ABHD18: variants seen among roughly 807,000 people sequenced by gnomAD.
The protein encoded by ABHD18 is abhydrolase domain containing 18, also known as cardiolipin-specific deacylase, mitochondrial.
A neutral mutation model predicts 65.9 loss-of-function variants in ABHD18; 55 were observed. The observed-to-expected ratio is 0.84, with a 90% CI of 0.67 to 1.05. The LOEUF is 1.05. Among genes scored for constraint, ABHD18 ranks in the 50% least tolerant of loss-of-function variants. The pLI, the probability that ABHD18 is intolerant of heterozygous loss-of-function variation, is 0.00. For missense variants in ABHD18, 533 were observed against 558.5 expected, an observed-to-expected ratio of 0.95 and a Z score of 0.46; for synonymous variants, 181 against 180.2, an observed-to-expected ratio of 1.00 and a Z score of -0.04.
chr4:128,000,282 T>C (rs1209326023), intron 4 of ABHD18, among the ~76,000 whole-genome samples: 1 of 152,200 alleles, frequency 6.6e-6, no homozygotes, highest in Non-Finnish European at 1.5e-5. Context: ...CTTTAATCCA[T>C]CTTGAGTTAA....
chr4:127,990,138 C>G (rs1318850998), intron 4 of ABHD18, among the ~76,000 whole-genome samples: 1 of 152,166 alleles, frequency 6.6e-6, no homozygotes, highest in African/African-American at 2.4e-5. Flanking sequence ...GAAGATAATA[C>G]AAATGATTTT....
intron 2 of ABHD18, 106 bp downstream of exon 2, chr4:127,983,153 A>C: frequency 1.4e-6 from 1 of 697,990 alleles, no homozygotes; most frequent in South Asian, 2.1e-5. Context: ...GCAATTGTCC[A>C]GCAAATTAAA....
intron 3 of ABHD18, among the ~76,000 whole-genome samples, chr4:127,984,975 G>A (rs1186111373): frequency 6.6e-6 from 1 of 152,206 alleles, no homozygotes. Flanking sequence ...ATATAGAGAA[G>A]TATTTAGGCT....
At chr4:128,014,185 G>T (rs1755086968) in intron 7 of ABHD18, among the ~76,000 whole-genome samples, 1 of 151,868 alleles carries the variant, frequency 6.6e-6, no homozygotes, top group Admixed American at 6.6e-5. Context: ...GTTTCTCCAT[G>T]TTGGTCAGGC....
In ABHD18 at chr4:128,036,086, GA is replaced by G. The variant is rs1758858717; in HGVS notation, c.*278del. On this transcript the variant is annotated 3_prime_UTR_variant, in exon 13 of 13. Transcript: ENST00000645843. Reference sequence around the variant, plus strand: ...TGTTTAGTCTGTTGTTACTGTTTATGAAAAACTAAATTTTTAATCATGAATA... The same window carrying G: ...TGTTTAGTCTGTTGTTACTGTTTATGAAAACTAAATTTTTAATCATGAATA... 1 of 264,274 alleles carries G rather than the reference GA, an allele frequency of 3.8e-6. No individual in the cohort carries two copies. Among genetic ancestry groups the G allele is most frequent in the African/African-American group, 2.2e-5 (1 of 45,276 alleles). The allele number at this position is 264,274 out of a possible 1,614,324, so 16.4% of individuals were successfully genotyped here.
At chr4:127,984,152 G>GA (rs898084646) in intron 2 of ABHD18, among the ~76,000 whole-genome samples, 187 bp from the exon 3 acceptor site, 2 of 151,982 alleles carry the variant, frequency 1.3e-5, no homozygotes, top group African/African-American at 2.4e-5. Flanking sequence ...ACATTTTTCT[G>GA]AAAAAAGTGT....
At chr4:128,025,489 TG>T (rs1481751742) in intron 10 of ABHD18, among the ~76,000 whole-genome samples, 3 of 152,346 alleles carry the variant, frequency 2.0e-5, no homozygotes, top group Admixed American at 6.5e-5. Context: ...TATTTTTTAC[TG>T]CTATATAATA....
At chr4:128,021,724 G>A (rs1339145860) in intron 10 of ABHD18, among the ~76,000 whole-genome samples, 1 of 149,982 alleles carries the variant, frequency 6.7e-6, no homozygotes, top group African/African-American at 2.5e-5. Flanking sequence ...CAAATATGTG[G>A]TTTACTACAT....
chr4:127,992,379 G>A (rs1290431898), intron 4 of ABHD18, among the ~76,000 whole-genome samples: 1 of 152,052 alleles, frequency 6.6e-6, no homozygotes, highest in African/African-American at 2.4e-5. Flanking sequence ...GGAGGCTGAG[G>A]CAGGAGAATC....
intron 3 of ABHD18, 85 bp from the exon 4 acceptor site, chr4:127,989,636 T>C (rs1750589461): frequency 2.4e-6 from 2 of 826,698 alleles, no homozygotes; most frequent in Non-Finnish European, 1.8e-6. Flanking sequence ...TTTAATTGGA[T>C]AGAACTTTTT....
At chr4:127,978,781 A>G (rs939971361) in intron 1 of ABHD18, among the ~76,000 whole-genome samples, 27 of 152,170 alleles carry the variant, frequency 1.8e-4, no homozygotes, top group Non-Finnish European at 1.5e-5. Context: ...ACAGTGATAT[A>G]TCACATATTA....
At chr4:127,973,762 CA>C (rs918675077) in intron 1 of ABHD18, among the ~76,000 whole-genome samples, 2 of 133,212 alleles carry the variant, frequency 1.5e-5, no homozygotes, top group African/African-American at 2.9e-5. Context: ...AGCCATGTGA[CA>C]GGGGGCTGTG....
chr4:128,026,909 C>A (rs1343037411), intron 10 of ABHD18, among the ~76,000 whole-genome samples: 1 of 151,562 alleles, frequency 6.6e-6, no homozygotes, highest in Non-Finnish European at 1.5e-5. Context: ...CCTCAGCCTC[C>A]CAAGTAGCTG....
intron 4 of ABHD18, among the ~76,000 whole-genome samples, chr4:127,998,281 CTTTTT>C (rs993883974): frequency 8.3e-6 from 1 of 119,838 alleles, no homozygotes; most frequent in Non-Finnish European, 1.7e-5. Flanking sequence ...CAAGACGTTT[CTTTTT>C]TTTTTTTTTT....
rs985253935 is a variant in ABHD18, at chr4:128,036,124, TA to T, written c.*314del. On this transcript the variant is annotated 3_prime_UTR_variant, in exon 13 of 13. Transcript: ENST00000645843. ...TTTAATCATGAATAATTTATTAAAT[TA>T]AATAAATTTATTCATAGAAACTTTT... 1 of 179,718 alleles carries T rather than the reference TA, an allele frequency of 5.6e-6. No homozygotes were observed. Among genetic ancestry groups the T allele is most frequent in the African/African-American group, 2.4e-5 (1 of 42,534 alleles). 11.1% of individuals were successfully genotyped at this position (179,718 alleles called of 1,614,324 possible).
chr4:127,986,156 C>A (rs1749914344), intron 3 of ABHD18, among the ~76,000 whole-genome samples: 1 of 152,170 alleles, frequency 6.6e-6, no homozygotes. Flanking sequence ...AACCCTGTAT[C>A]CATTAGCTGT....
intron 7 of ABHD18, among the ~76,000 whole-genome samples, chr4:128,016,917 A>T (rs868286398): frequency 6.7e-5 from 10 of 149,542 alleles, no homozygotes; most frequent in African/African-American, 2.5e-4. Flanking sequence ...GTGTAATTCT[A>T]TTTTTTTTTT....
At position 127,982,659 on chromosome 4, in the gene ABHD18, T is replaced by C. The variant is rs74931262; in HGVS notation, c.-17-280T>C. Among the ~76,000 whole-genome samples the C allele has an allele frequency of 4.3e-3, 648 of 152,280 alleles. 14 individuals carry two copies. The East Asian group carries it at 0.075, about 18-fold the overall frequency. ...TATCACATATTATCCCCTACTATTT[T>C]TATCCAGCAAATAGAGGGTACTTAT... On this transcript the variant is annotated intron_variant, in intron 1 of 12. Coordinates refer to ENST00000645843, the MANE Select transcript of ABHD18 (RefSeq NM_001358451.3).
intron 9 of ABHD18, among the ~76,000 whole-genome samples, 195 bp downstream of exon 9, chr4:128,020,364 G>C (rs1370320170): frequency 1.3e-5 from 2 of 152,156 alleles, no homozygotes; most frequent in Non-Finnish European, 2.9e-5. Flanking sequence ...AAGCGCATGA[G>C]GTAGAGTCCA....
Sources: gnomAD v4.1 joint callset for allele counts (sites outside exome capture counted in the v4.1 genomes callset) on GRCh38, gnomAD v4.1.1 for gene constraint, MANE v1.5 for transcripts, NCBI Gene and HGNC (gene_info 2026-07-23, HGNC 2026-07-21) for gene names.